ZBTB10: variants seen among roughly 807,000 people sequenced by gnomAD.
ZBTB10 encodes zinc finger and BTB domain containing 10.
ZBTB10 carries 32 observed loss-of-function variants against 76.4 expected under a neutral mutation model. The ratio of observed to expected loss-of-function variants is 0.42; its 90% CI spans 0.32 to 0.56. The LOEUF is 0.56. Ranked by LOEUF, ZBTB10 falls within the 20% of genes least tolerant of loss-of-function variation. The pLI, the probability that ZBTB10 is intolerant of heterozygous loss-of-function variation, is 0.14. For synonymous variants in ZBTB10, 523 were observed against 432.9 expected, an observed-to-expected ratio of 1.21 and a Z score of -2.58; for missense variants, 1,057 against 1,098.5, an observed-to-expected ratio of 0.96 and a Z score of 0.53.
At chr8:80,497,965 C>G (rs1183805064) in intron 1 of ZBTB10, among the ~76,000 whole-genome samples, 1 of 151,964 alleles carries the variant, frequency 6.6e-6, no homozygotes, top group Non-Finnish European at 1.5e-5. Context: ...CTGGCCATGT[C>G]CTGGAATATT....
Position 80,521,058 on chromosome 8 carries a change from A to C in ZBTB10, c.*1530A>C, listed in dbSNP as rs764446473. 1.3e-5 allele frequency: 2 copies of C among 151,966 alleles called. No homozygotes were observed. The highest frequency in any genetic ancestry group is 6.6e-5 in the Admixed American group (1 of 15,246). The allele number at this position is 151,966 out of a possible 1,614,324, so 9.4% of individuals were successfully genotyped here. ...TGGAAAAAATTGCAAAGATGCTTTG[A>C]CAGATATAATCCCTTTGGTGCTCCA... On this transcript the variant is annotated 3_prime_UTR_variant, in exon 6 of 6. Transcript: ENST00000455036.
chr8:80,495,820 C>A (rs972309928), intron 1 of ZBTB10, among the ~76,000 whole-genome samples: 4 of 152,110 alleles, frequency 2.6e-5, no homozygotes, highest in African/African-American at 9.7e-5. Flanking sequence ...TGGACACTTA[C>A]CTATATTTTC....
At chr8:80,507,490 A>G (rs1384903768) in intron 2 of ZBTB10, among the ~76,000 whole-genome samples, 4 of 151,008 alleles carry the variant, frequency 2.6e-5, no homozygotes, top group Non-Finnish European at 5.9e-5. Flanking sequence ...TGGCGGGCAC[A>G]TGTAGTCCCA....
intron 2 of ZBTB10, among the ~76,000 whole-genome samples, chr8:80,509,912 A>G (rs1331141804): frequency 3.3e-5 from 5 of 152,220 alleles, no homozygotes; most frequent in Middle Eastern, 3.4e-3. Context: ...CTTCCTCCCA[A>G]AGTGCTGGGA....
At chr8:80,499,459 A>G in intron 1 of ZBTB10, 35 bp from the exon 2 acceptor site, 1 of 1,508,730 alleles carries the variant, frequency 6.6e-7, no homozygotes, top group Non-Finnish European at 8.9e-7. Flanking sequence ...AAAAGTCAAT[A>G]AAGTTTAATA....
At chr8:80,493,193 ACGCGCGCG>A (rs1199081931) in intron 1 of ZBTB10, among the ~76,000 whole-genome samples, 1 of 124,520 alleles carries the variant, frequency 8.0e-6, no homozygotes, top group East Asian at 2.4e-4. Flanking sequence ...GTGCCTCAAA[ACGCGCGCG>A]CGCGCGCACA....
rs752567527 is a variant in ZBTB10 at position 80,487,690 on chromosome 8, G to A, written c.880G>A (p.Glu294Lys). Residue 294 changes from glutamate (E) to lysine (K), a missense_variant, in exon 1 of 6, where the codon GAG becomes AAG. Physicochemically the swap from Glu to Lys is moderately conservative, Grantham distance 56. Around this residue, in one of 5 missense-constraint regions of ZBTB10, gnomAD observed 556 missense variants for 451.7 expected, o/e 1.23. Coordinates refer to ENST00000455036, the MANE Select transcript of ZBTB10 (RefSeq NM_001105539.3). ...SVDLPPVGHD[E>K]LSRGTRNYKK... ...GGACCTTCCCCCAGTGGGGCATGAT[G>A]AGCTTTCGCGAGGGACCCGCAACTA... 1 of 1,613,946 alleles carries A rather than the reference G, an allele frequency of 6.2e-7. No homozygotes were observed. Among genetic ancestry groups the A allele is most frequent in the Non-Finnish European group, 8.5e-7 (1 of 1,179,876 alleles).
intron 1 of ZBTB10, among the ~76,000 whole-genome samples, chr8:80,499,112 CTG>C (rs1407661429): frequency 2.0e-5 from 3 of 152,158 alleles, no homozygotes; most frequent in East Asian, 1.9e-4. Flanking sequence ...TCGGGGGAGA[CTG>C]TTGCTTTTCT....
rs759467188 is a variant in ZBTB10, at chr8:80,487,022, G to A, written c.212G>A (p.Gly71Asp). 51 of 1,517,932 alleles carry A rather than the reference G, an allele frequency of 3.4e-5. No individual in the cohort carries two copies. The highest frequency in any genetic ancestry group is 4.1e-5 in the Non-Finnish European group (47 of 1,139,018). 94.0% of individuals were successfully genotyped at this position (1,517,932 alleles called of 1,614,324 possible). Residue 71 changes from glycine to aspartate, a missense_variant, in exon 1 of 6, where the codon GGC becomes GAC. Around this residue, in one of 5 missense-constraint regions of ZBTB10, gnomAD observed 556 missense variants for 451.7 expected, o/e 1.23. Transcript: ENST00000455036. ...RGADEEVELE[G>D]LEPQDLEASA... ...GCCGACGAGGAAGTGGAATTGGAGGGCCTGGAGCCCCAAGACCTGGAGGCC... is the reference window on the plus strand; with the variant it reads ...GCCGACGAGGAAGTGGAATTGGAGGACCTGGAGCCCCAAGACCTGGAGGCC...
chr8:80,514,084 T>C, intron 3 of ZBTB10, 76 bp downstream of exon 3: 1 of 1,336,136 alleles, frequency 7.5e-7, no homozygotes, highest in Non-Finnish European at 1.1e-6. Context: ...CCTAGTGTAA[T>C]TTCTCTTCCA....
Position 80,518,938 on chromosome 8 carries a change from T to C in ZBTB10, c.2294T>C (p.Val765Ala). The change falls in exon 5 of 6, where the codon GTA (valine) becomes GCA (alanine). Residue 765 changes from valine (V) to alanine (A), a missense_variant. By Grantham distance (64) the Val-to-Ala change is moderately conservative (BLOSUM62 0). Transcript: ENST00000455036. ...CGKLFTRREHVKRHSLVHKKD... is the reference protein window; with the variant it reads ...CGKLFTRREHAKRHSLVHKKD... ...AAACTGTTTACTCGAAGAGAACATG[T>C]AAAAAGACATTCCCTGGTAAGTAAC... The C allele has an allele frequency of 6.3e-7, 1 of 1,599,198 alleles. No homozygotes were observed. Among genetic ancestry groups the C allele is most frequent in the Admixed American group, 1.7e-5 (1 of 57,690 alleles).
At chr8:80,510,998 T>A (rs564701223) in intron 2 of ZBTB10, among the ~76,000 whole-genome samples, 3 of 152,316 alleles carry the variant, frequency 2.0e-5, no homozygotes, top group East Asian at 3.9e-4. Flanking sequence ...TCTCTAATAA[T>A]GAGTTGCTAG....
rs1217349910 is a variant in ZBTB10, at chr8:80,500,144, T to A, written c.1623T>A (p.Asp541Glu). The A allele has an allele frequency of 1.9e-6, 3 of 1,613,606 alleles. No homozygotes were observed. The highest frequency in any genetic ancestry group is 2.5e-6 in the Non-Finnish European group (3 of 1,179,768). ...TGAATGACAGTAGTTGGGTCCAGGA[T>A]GGATCTCCTGAAATGGCTGAAAATG... Reference protein sequence around the residue: ...YQMNDSSWVQDGSPEMAENES... With the variant: ...YQMNDSSWVQEGSPEMAENES... The change falls in exon 2 of 6, where the codon GAT becomes GAA. Residue 541 changes from aspartate (D) to glutamate (E), a missense_variant. This residue lies in a region of ZBTB10 where 306 missense variants were observed against 297.5 expected (regional missense o/e 1.03). Transcript: ENST00000455036.
chr8:80,492,614 G>T (rs1815659235), intron 1 of ZBTB10, among the ~76,000 whole-genome samples: 1 of 152,004 alleles, frequency 6.6e-6, no homozygotes, highest in Non-Finnish European at 1.5e-5. Flanking sequence ...GATTAGCTGG[G>T]ACTACAGGCA....
chr8:80,515,111 T>C (rs1403860198), intron 3 of ZBTB10, among the ~76,000 whole-genome samples: 2 of 152,160 alleles, frequency 1.3e-5, no homozygotes, highest in Admixed American at 6.5e-5. Context: ...TTAAGTGATA[T>C]TCAGTTAATT....
chr8:80,513,669 T>G (rs1037139997), intron 2 of ZBTB10, among the ~76,000 whole-genome samples: 22 of 152,190 alleles, frequency 1.4e-4, no homozygotes, highest in Admixed American at 3.3e-4. Context: ...TCACATAGCC[T>G]GTAACAGAAA....
In ZBTB10 at chr8:80,486,509, T is replaced by G. The variant is rs902364301; in HGVS notation, c.-302T>G. The stretch of plus-strand genomic sequence containing the variant: ...GCTCGCTGCAGGCTCGCTCCTCACC[T>G]CTCCGCCGCCCGCCCCCTTCTCCGC... On this transcript the variant is annotated 5_prime_UTR_variant, in exon 1 of 6. Transcript: ENST00000455036. 8 of 984,880 alleles carry G rather than the reference T, an allele frequency of 8.1e-6. No individual in the cohort carries two copies. Among genetic ancestry groups the G allele is most frequent in the Non-Finnish European group, 9.6e-6 (8 of 829,970 alleles). 61.0% of individuals were successfully genotyped at this position (984,880 alleles called of 1,614,324 possible).
intron 1 of ZBTB10, among the ~76,000 whole-genome samples, chr8:80,493,205 G>GCGCGCGCGCGCGCA (rs1554551251): frequency 5.1e-5 from 5 of 98,372 alleles, no homozygotes; most frequent in South Asian, 7.4e-4. Flanking sequence ...GCGCGCGCGC[G>GCGCGCGCGCGCGCA]CGCACACACA....
intron 1 of ZBTB10, among the ~76,000 whole-genome samples, chr8:80,488,012 ATTG>A (rs1815525804): frequency 6.7e-6 from 1 of 148,774 alleles, no homozygotes. Context: ...TGGAATGACA[ATTG>A]TCGTGGCGCT....
Sources: gnomAD v4.1 joint callset for allele counts (sites outside exome capture counted in the v4.1 genomes callset) on GRCh38, gnomAD v4.1.1 for gene constraint, gnomAD v4.1.1 regional missense constraint, MANE v1.5 for transcripts, NCBI Gene and HGNC (gene_info 2026-07-23, HGNC 2026-07-21) for gene names.